Variants in ZSWIM6 observed in about 807,000 individuals in gnomAD.
ZSWIM6 encodes the protein zinc finger SWIM domain-containing protein 6.
A neutral mutation model predicts 113.2 loss-of-function variants in ZSWIM6; 9 were observed. The observed-to-expected ratio is 0.08, with a 90% CI of 0.05 to 0.14. The LOEUF is 0.14. Among genes scored for constraint, ZSWIM6 ranks in the 10% least tolerant of loss-of-function variants. The probability of loss-of-function intolerance (pLI) is 1.00; values close to 1 mark genes in which losing one functional copy is unlikely to be tolerated. For synonymous variants in ZSWIM6, 611 were observed against 606.5 expected (o/e 1.01, Z -0.11); for missense variants, 1,162 against 1,552.2 (o/e 0.75, Z 4.22).
At chr5:61,470,987 A>G (rs748832693) in intron 1 of ZSWIM6, among the ~76,000 whole-genome samples, 2 of 152,136 alleles carry the variant, frequency 1.3e-5, no homozygotes, top group Admixed American at 6.5e-5. Context: ...AACTCTTACC[A>G]TTGTCTGGCC....
At chr5:61,537,927 T>C (rs1201557800) in intron 10 of ZSWIM6, among the ~76,000 whole-genome samples, 2 of 152,228 alleles carry the variant, frequency 1.3e-5, no homozygotes, top group Non-Finnish European at 2.9e-5. Flanking sequence ...AGAAATTTTT[T>C]CATCAGCATA....
intron 1 of ZSWIM6, among the ~76,000 whole-genome samples, chr5:61,377,351 G>T (rs1745392601): frequency 6.6e-6 from 1 of 151,748 alleles, no homozygotes; most frequent in Non-Finnish European, 1.5e-5. Context: ...AACTTGTATA[G>T]TTTAGAATGA....
chr5:61,378,388 A>C (rs1002055879), intron 1 of ZSWIM6, among the ~76,000 whole-genome samples: 28 of 152,240 alleles, frequency 1.8e-4, no homozygotes, highest in African/African-American at 6.3e-4. Flanking sequence ...AAGATGTAGA[A>C]CAGTATATGT....
chr5:61,459,874 C>T (rs1383984202), intron 1 of ZSWIM6, among the ~76,000 whole-genome samples: 1 of 152,096 alleles, frequency 6.6e-6, no homozygotes, highest in South Asian at 2.1e-4. Flanking sequence ...TGAGCTTTGC[C>T]ACTCAAATTT....
chr5:61,332,907 C>A lies in ZSWIM6; in HGVS notation c.635C>A (p.Ala212Glu). 7.4e-7 allele frequency: 1 copy of A among 1,352,578 alleles called. No homozygotes were observed. Among genetic ancestry groups the A allele is most frequent in the Non-Finnish European group, 9.6e-7 (1 of 1,040,390 alleles). The allele number at this position is 1,352,578 out of a possible 1,614,324, so 83.8% of individuals were successfully genotyped here. ...ETRLPFRRGI[A>E]LLESGCVDNV... ...CGGCTGCCTTTCCGCCGGGGCATCG[C>A]GCTGTTGGAAAGCGGCTGCGTAGAC... is the stretch of plus-strand genomic sequence containing the variant. Residue 212 changes from alanine (A) to glutamate (E), a missense_variant, in exon 1 of 14, where the codon GCG becomes GAG. Around this residue, in one of 4 missense-constraint regions of ZSWIM6, gnomAD observed 333 missense variants for 293.4 expected, o/e 1.13. Coordinates refer to ENST00000252744, the MANE Select transcript of ZSWIM6 (RefSeq NM_020928.2).
chr5:61,519,555 T>G (rs1749056436), intron 4 of ZSWIM6, among the ~76,000 whole-genome samples: 1 of 150,070 alleles, frequency 6.7e-6, no homozygotes, highest in Non-Finnish European at 1.5e-5. Context: ...TTTTGTATTT[T>G]GTCCAAAGTT....
chr5:61,349,552 G>A (rs1384805510), intron 1 of ZSWIM6, among the ~76,000 whole-genome samples: 1 of 152,086 alleles, frequency 6.6e-6, no homozygotes, highest in African/African-American at 2.4e-5. Flanking sequence ...TTTCAGTACT[G>A]GGTTTGTCAT....
chr5:61,340,990 G>A (rs547481132), intron 1 of ZSWIM6, among the ~76,000 whole-genome samples: 4 of 152,350 alleles, frequency 2.6e-5, no homozygotes, highest in African/African-American at 7.2e-5. Context: ...TATTACAGCT[G>A]TGTGATTATA....
At chr5:61,541,825 C>CTT in intron 12 of ZSWIM6, 59 bp from the exon 13 acceptor site, 2 of 1,403,938 alleles carry the variant, frequency 1.4e-6, no homozygotes, top group Non-Finnish European at 2.0e-6. Flanking sequence ...TATCCCCCCC[C>CTT]TTTTTTTTCA....
At chr5:61,389,277 C>T (rs186315076) in intron 1 of ZSWIM6, among the ~76,000 whole-genome samples, 31 of 150,004 alleles carry the variant, frequency 2.1e-4, no homozygotes, top group African/African-American at 7.1e-4. Context: ...GCAGCTTGGC[C>T]GGGCGCGGTA....
chr5:61,425,833 G>A (rs1746453748), intron 1 of ZSWIM6, among the ~76,000 whole-genome samples: 1 of 152,214 alleles, frequency 6.6e-6, no homozygotes, highest in South Asian at 2.1e-4. Flanking sequence ...TGGGCCTGGT[G>A]GCAGCAGATA....
At chr5:61,363,432 T>G (rs1478499776) in intron 1 of ZSWIM6, among the ~76,000 whole-genome samples, 1 of 152,212 alleles carries the variant, frequency 6.6e-6, no homozygotes, top group Non-Finnish European at 1.5e-5. Context: ...AGTACTTACC[T>G]TGCACACTTC....
chr5:61,465,874 A>C (rs1283627467), intron 1 of ZSWIM6, among the ~76,000 whole-genome samples: 1 of 152,214 alleles, frequency 6.6e-6, no homozygotes, highest in East Asian at 1.9e-4. Flanking sequence ...AGAAAGATGA[A>C]AACCACTTCA....
intron 4 of ZSWIM6, among the ~76,000 whole-genome samples, chr5:61,499,960 G>A (rs1748418785): frequency 6.6e-6 from 1 of 151,914 alleles, no homozygotes; most frequent in Non-Finnish European, 1.5e-5. Context: ...CCAATTATTT[G>A]CCCTCATTTT....
chr5:61,484,525 T>G (rs999338202), intron 2 of ZSWIM6, among the ~76,000 whole-genome samples: 3 of 152,160 alleles, frequency 2.0e-5, no homozygotes, highest in Admixed American at 6.5e-5. Context: ...ATTCTATAGT[T>G]GTTTGGAAAG....
chr5:61,354,148 C>A (rs1744849126), intron 1 of ZSWIM6, among the ~76,000 whole-genome samples: 1 of 152,178 alleles, frequency 6.6e-6, no homozygotes, highest in Non-Finnish European at 1.5e-5. Context: ...TGACCTCATT[C>A]CTGCTGCCAT....
chr5:61,505,368 C>G (rs1748574071), intron 4 of ZSWIM6, among the ~76,000 whole-genome samples: 1 of 152,110 alleles, frequency 6.6e-6, no homozygotes, highest in Non-Finnish European at 1.5e-5. Context: ...CTCTCCTTCC[C>G]TCTCTTGAAA....
chr5:61,539,536 ATTTG>A, intron 11 of ZSWIM6, 56 bp from the exon 12 acceptor site: 3 of 1,488,330 alleles, frequency 2.0e-6, no homozygotes, highest in South Asian at 1.3e-5. Context: ...ATTTTTGTTT[ATTTG>A]TTTGTCTTGC....
intron 9 of ZSWIM6, among the ~76,000 whole-genome samples, chr5:61,532,705 C>G (rs893184420): frequency 6.6e-6 from 1 of 152,104 alleles, no homozygotes; most frequent in Non-Finnish European, 1.5e-5. Flanking sequence ...TTCAGGTAAA[C>G]CTTCTTAATA....
Sources: allele counts gnomAD v4.1 joint callset (sites outside exome capture counted in the v4.1 genomes callset), GRCh38; gene constraint gnomAD v4.1.1; regional missense constraint gnomAD v4.1.1; transcripts MANE v1.5; gene names NCBI Gene and HGNC (gene_info 2026-07-23, HGNC 2026-07-21).